EYA1: variants seen among roughly 807,000 people sequenced by gnomAD.
EYA1 encodes protein phosphatase EYA1.
Under a neutral mutation model 82.0 loss-of-function variants are expected in EYA1, and 16 were observed. The ratio of observed to expected loss-of-function variants is 0.20; its 90% CI spans 0.13 to 0.30. EYA1 has a LOEUF of 0.30. Ranked by LOEUF, EYA1 falls within the 10% of genes least tolerant of loss-of-function variation. EYA1 has a pLI of 1.00. For missense variants in EYA1, 633 were observed against 730.7 expected (o/e 0.87, Z 1.54); for synonymous variants, 261 against 264.4 (o/e 0.99, Z 0.12).
chr8:71,248,831 C>G (rs1051501942), intron 11 of EYA1, among the ~76,000 whole-genome samples: 3 of 152,110 alleles, frequency 2.0e-5, no homozygotes, highest in Non-Finnish European at 4.4e-5. Context: ...TAACATTGAA[C>G]AGTTAATAAA....
At chr8:71,418,084 G>A (rs557606858) in intron 2 of EYA1, among the ~76,000 whole-genome samples, 89 of 152,198 alleles carry the variant, frequency 5.8e-4, no homozygotes, top group African/African-American at 2.1e-3. Flanking sequence ...TGGGTCACCT[G>A]GGTCTCATCC....
chr8:71,463,247 T>G (rs1042497021), intron 2 of EYA1, among the ~76,000 whole-genome samples: 2 of 152,210 alleles, frequency 1.3e-5, no homozygotes, highest in Non-Finnish European at 2.9e-5. Context: ...CATGGTTTTC[T>G]CATCCACAGT....
chr8:71,246,994 C>T (rs752111355), intron 11 of EYA1, among the ~76,000 whole-genome samples: 1 of 151,388 alleles, frequency 6.6e-6, no homozygotes, highest in Admixed American at 6.6e-5. Flanking sequence ...TTCTCACCCT[C>T]TTGGCACTAC....
intron 12 of EYA1, among the ~76,000 whole-genome samples, chr8:71,234,487 C>T (rs1190503043): frequency 2.0e-5 from 3 of 152,130 alleles, no homozygotes; most frequent in Admixed American, 6.5e-5. Context: ...ATCTAACAGT[C>T]GCTCACTTCT....
At chr8:71,234,768 A>C (rs891125589) in intron 12 of EYA1, among the ~76,000 whole-genome samples, 1 of 151,770 alleles carries the variant, frequency 6.6e-6, no homozygotes, top group African/African-American at 2.4e-5. Flanking sequence ...GGACTCCCAA[A>C]ACTATACCTT....
At chr8:71,450,667 G>A (rs1281653745) in intron 2 of EYA1, among the ~76,000 whole-genome samples, 1 of 152,190 alleles carries the variant, frequency 6.6e-6, no homozygotes, top group Non-Finnish European at 1.5e-5. Context: ...CTAGCTTGAG[G>A]CAGGCTTGCC....
chr8:71,405,042 AGGATACCT>A (rs1158241213), intron 2 of EYA1: 2 of 152,064 alleles, frequency 1.3e-5, no homozygotes, highest in African/African-American at 4.8e-5. Flanking sequence ...AGTCTACTCT[AGGATACCT>A]GAATAAAATT....
chr8:71,219,384 A>AAATC (rs1809606056), intron 12 of EYA1, among the ~76,000 whole-genome samples: 2 of 152,210 alleles, frequency 1.3e-5, no homozygotes, highest in South Asian at 4.1e-4. Flanking sequence ...AGAGATTTAA[A>AAATC]AATCAAGAGT....
rs188813280 is a variant in EYA1 at position 71,478,918 on chromosome 8, G to T, written c.33+56826C>A. Among the ~76,000 whole-genome samples the T allele has an allele frequency of 7.0e-4, 106 of 152,250 alleles. 1 individual carries two copies. The highest frequency in any genetic ancestry group is 2.5e-3 in the African/African-American group (102 of 41,556). ...TTTACTGAGCATCTACCATGCATCA[G>T]GTACTGCAGAGATACAAGAGAATAC... On this transcript the variant is annotated intron_variant, in intron 2 of 18. Coordinates refer to the EYA1 transcript ENST00000643681.
intron 3 of EYA1, among the ~76,000 whole-genome samples, chr8:71,337,493 T>C (rs1327435098): frequency 6.6e-6 from 1 of 152,194 alleles, no homozygotes; most frequent in African/African-American, 2.4e-5. Context: ...TGAGCAATGC[T>C]GGGCAACTTG....
intron 2 of EYA1, among the ~76,000 whole-genome samples, chr8:71,512,929 A>G (rs890956618): frequency 2.0e-5 from 3 of 152,176 alleles, no homozygotes; most frequent in African/African-American, 7.2e-5. Flanking sequence ...AAGAAAGATC[A>G]TGGGATATTC....
At chr8:71,320,492 T>G (rs2129029720) in intron 6 of EYA1, among the ~76,000 whole-genome samples, 1 of 152,254 alleles carries the variant, frequency 6.6e-6, no homozygotes, top group Admixed American at 6.5e-5. Context: ...CTAAATTTAA[T>G]CCATAGCTAA....
chr8:71,223,096 G>GTC (rs1409632581), intron 12 of EYA1, among the ~76,000 whole-genome samples: 2 of 152,206 alleles, frequency 1.3e-5, no homozygotes, highest in Non-Finnish European at 2.9e-5. Flanking sequence ...TAGTAACCGG[G>GTC]TCTCTGCCAG....
intron 2 of EYA1, among the ~76,000 whole-genome samples, chr8:71,453,817 T>C (rs1335970744): frequency 6.6e-6 from 1 of 152,132 alleles, no homozygotes; most frequent in African/African-American, 2.4e-5. Flanking sequence ...TGCAAAAATA[T>C]GCCGAATTGT....
At chr8:71,230,800 G>T (rs1454004467) in intron 12 of EYA1, among the ~76,000 whole-genome samples, 1 of 152,192 alleles carries the variant, frequency 6.6e-6, no homozygotes. Context: ...TTAATTTTCT[G>T]AATCTGGAAT....
At chr8:71,310,625 T>C (rs1453633880) in intron 7 of EYA1, among the ~76,000 whole-genome samples, 1 of 152,230 alleles carries the variant, frequency 6.6e-6, no homozygotes, top group Non-Finnish European at 1.5e-5. Context: ...TAATATTCCA[T>C]GGTGTATATG....
intron 2 of EYA1, among the ~76,000 whole-genome samples, chr8:71,378,370 G>A (rs951010885): frequency 1.3e-5 from 2 of 152,178 alleles, no homozygotes; most frequent in African/African-American, 2.4e-5. Context: ...TTAAGGCGGG[G>A]TAGGCTTAAG....
intron 2 of EYA1, among the ~76,000 whole-genome samples, chr8:71,406,214 A>C (rs569453035): frequency 1.3e-5 from 2 of 152,350 alleles, no homozygotes; most frequent in Middle Eastern, 6.8e-3. Flanking sequence ...ATAGATTTAA[A>C]AGATATTAAA....
intron 9 of EYA1, among the ~76,000 whole-genome samples, chr8:71,296,652 T>G (rs1247473181): frequency 2.0e-5 from 3 of 151,768 alleles, no homozygotes; most frequent in African/African-American, 7.3e-5. Flanking sequence ...AGACCCGAAA[T>G]TATTCCAGCA....
Sources: gnomAD v4.1 joint callset for allele counts (sites outside exome capture counted in the v4.1 genomes callset) on GRCh38, gnomAD v4.1.1 for gene constraint, MANE v1.5 for transcripts, NCBI Gene and HGNC (gene_info 2026-07-23, HGNC 2026-07-21) for gene names.